Variants in ASIC2 observed in about 807,000 individuals in gnomAD.
ASIC2 encodes the protein acid-sensing ion channel 2.
A neutral mutation model predicts 57.3 loss-of-function variants in ASIC2; 25 were observed. That is an observed-to-expected ratio of 0.44 (90% CI 0.32 to 0.61). The LOEUF is 0.61. ASIC2 is among the 20% of genes least tolerant of loss of function. The pLI, the probability that ASIC2 is intolerant of heterozygous loss-of-function variation, is 0.06. For missense variants in ASIC2, 641 were observed against 738.1 expected, an observed-to-expected ratio of 0.87 and a Z score of 1.52; for synonymous variants, 319 against 307.5, an observed-to-expected ratio of 1.04 and a Z score of -0.39.
chr17:34,128,839 C>A (rs540610481), intron 1 of ASIC2, among the ~76,000 whole-genome samples: 1 of 152,240 alleles, frequency 6.6e-6, no homozygotes, highest in African/African-American at 2.4e-5. Context: ...TCCAGCTGCA[C>A]ATCAGAGCCT....
rs542568991 is a variant in ASIC2 at position 34,032,805 on chromosome 17, A to G, written c.555+123173T>C. Among the ~76,000 whole-genome samples, 7 of 152,368 alleles carry G rather than the reference A, an allele frequency of 4.6e-5. No homozygotes were observed. The South Asian group carries it at 1.0e-3, about 23-fold the overall frequency. ...AGGGAAAGGGATCAATGCAACAAGA[A>G]GAGCTAACTATCCTAAATATATATG... On this transcript the variant is annotated intron_variant, in intron 1 of 9. Transcript: ENST00000359872.
intron 1 of ASIC2, among the ~76,000 whole-genome samples, chr17:34,056,582 A>G (rs1192511330): frequency 6.6e-6 from 1 of 152,232 alleles, no homozygotes; most frequent in Non-Finnish European, 1.5e-5. Flanking sequence ...GAGAAAATAG[A>G]AGTCCACAAC....
chr17:33,762,453 C>T (rs1436112844), intron 1 of ASIC2, among the ~76,000 whole-genome samples: 3 of 151,698 alleles, frequency 2.0e-5, no homozygotes, highest in Non-Finnish European at 4.4e-5. Context: ...GTTTGCTTAC[C>T]CTGAAGTTTT....
chr17:34,126,812 G>A (rs550575246), intron 1 of ASIC2, among the ~76,000 whole-genome samples: 1 of 152,318 alleles, frequency 6.6e-6, no homozygotes, highest in East Asian at 1.9e-4. Context: ...TTCCGTTTCT[G>A]CAGAGCTGAG....
chr17:33,549,428 CCTGACCAT>C (rs2141975494), intron 1 of ASIC2, among the ~76,000 whole-genome samples: 1 of 152,256 alleles, frequency 6.6e-6, no homozygotes, highest in African/African-American at 2.4e-5. Context: ...CATCAGGATT[CCTGACCAT>C]CTCTCCTTTT....
intron 1 of ASIC2, among the ~76,000 whole-genome samples, chr17:33,634,258 T>C (rs1373761625): frequency 6.6e-6 from 1 of 152,192 alleles, no homozygotes; most frequent in Admixed American, 6.5e-5. Flanking sequence ...TCAGGATAAT[T>C]GCTTCTGTCT....
At chr17:33,938,839 G>A (rs539666522) in intron 1 of ASIC2, among the ~76,000 whole-genome samples, 5 of 152,238 alleles carry the variant, frequency 3.3e-5, no homozygotes, top group African/African-American at 1.2e-4. Flanking sequence ...ACTCTGGGAG[G>A]CTGGGGTCTT....
At chr17:33,096,718 G>A (rs937536030) in intron 2 of ASIC2, among the ~76,000 whole-genome samples, 28 of 152,244 alleles carry the variant, frequency 1.8e-4, no homozygotes, top group African/African-American at 2.9e-4. Context: ...GGTGTGGCTC[G>A]CTTGGTTGGG....
intron 1 of ASIC2, among the ~76,000 whole-genome samples, chr17:33,312,215 C>T (rs1906457744): frequency 6.6e-6 from 1 of 151,958 alleles, no homozygotes; most frequent in African/African-American, 2.4e-5. Flanking sequence ...CCTGTTAAAC[C>T]TGGTGTATAG....
At chr17:33,050,925 G>A (rs1475572136) in intron 3 of ASIC2, among the ~76,000 whole-genome samples, 4 of 152,126 alleles carry the variant, frequency 2.6e-5, no homozygotes, top group African/African-American at 9.7e-5. Context: ...TCCCTGCTAT[G>A]CAGATGAAGA....
At chr17:33,811,065 G>A (rs1347686286) in intron 1 of ASIC2, among the ~76,000 whole-genome samples, 4 of 152,198 alleles carry the variant, frequency 2.6e-5, no homozygotes, top group Admixed American at 1.3e-4. Flanking sequence ...TTATGAAAGG[G>A]GAGAGATTCA....
At position 33,584,327 on chromosome 17, in the gene ASIC2, T is replaced by C. The variant is rs185577986; in HGVS notation, c.556-472260A>G. ...AGAGCTGGGGCTGGAAGCTGGTTCT[T>C]AGAGTCTGAGTCTAGTTCTCTTGTG... On this transcript the variant is annotated intron_variant, in intron 1 of 9. Coordinates refer to the ASIC2 transcript ENST00000359872. Among the ~76,000 whole-genome samples the C allele has an allele frequency of 6.6e-5, 10 of 152,310 alleles. No homozygotes were observed. In the East Asian group the frequency reaches 1.9e-3, roughly 29 times the overall value.
intron 6 of ASIC2, among the ~76,000 whole-genome samples, chr17:33,022,521 C>T (rs1273018621): frequency 6.6e-6 from 1 of 152,218 alleles, no homozygotes; most frequent in African/African-American, 2.4e-5. Context: ...CCACCCCCTG[C>T]ACCCACTCGG....
At chr17:33,054,614 T>G (rs371625473) in intron 3 of ASIC2, among the ~76,000 whole-genome samples, 19 of 152,318 alleles carry the variant, frequency 1.2e-4, no homozygotes, top group South Asian at 6.2e-4. Flanking sequence ...CCAGAGAGAA[T>G]TTATCATTAG....
At chr17:33,171,945 C>G (rs1905537162) in intron 1 of ASIC2, among the ~76,000 whole-genome samples, 1 of 152,214 alleles carries the variant, frequency 6.6e-6, no homozygotes, top group Non-Finnish European at 1.5e-5. Flanking sequence ...TTTCAGCTTC[C>G]TGGCCAATTT....
chr17:33,202,426 G>T (rs966551013), intron 1 of ASIC2, among the ~76,000 whole-genome samples: 4 of 152,204 alleles, frequency 2.6e-5, no homozygotes, highest in Non-Finnish European at 5.9e-5. Context: ...GATATTAAGT[G>T]TGAGATGGGA....
chr17:33,241,304 A>C (rs1908499692), intron 1 of ASIC2, among the ~76,000 whole-genome samples: 1 of 152,252 alleles, frequency 6.6e-6, no homozygotes, highest in African/African-American at 2.4e-5. Context: ...ACCAATAAGT[A>C]AGCTGACTCT....
At chr17:33,382,406 G>C (rs1039941085) in intron 1 of ASIC2, among the ~76,000 whole-genome samples, 2 of 152,212 alleles carry the variant, frequency 1.3e-5, no homozygotes, top group Non-Finnish European at 2.9e-5. Flanking sequence ...CTATCAGAAG[G>C]CTGGTGAAAG....
chr17:33,722,350 A>AAATT (rs1429303790), intron 1 of ASIC2, among the ~76,000 whole-genome samples: 3 of 152,362 alleles, frequency 2.0e-5, no homozygotes, highest in African/African-American at 7.2e-5. Context: ...TTTCCTTTAT[A>AAATT]AATTACCCAG....
Sources: gnomAD v4.1 joint callset for allele counts (sites outside exome capture counted in the v4.1 genomes callset) on GRCh38, gnomAD v4.1.1 for gene constraint, MANE v1.5 for transcripts, NCBI Gene and HGNC (gene_info 2026-07-23, HGNC 2026-07-21) for gene names.